ADGRL3: variants seen among roughly 807,000 people sequenced by gnomAD.
ADGRL3 encodes the protein calcium-independent alpha-latrotoxin receptor 3.
A neutral mutation model predicts 153.5 loss-of-function variants in ADGRL3; 62 were observed. The ratio of observed to expected loss-of-function variants is 0.40; its 90% CI spans 0.33 to 0.50. ADGRL3 has a LOEUF of 0.50. Among genes scored for constraint, ADGRL3 ranks in the 20% least tolerant of loss-of-function variants. The probability of loss-of-function intolerance (pLI) is 0.47; values close to 1 mark genes in which losing one functional copy is unlikely to be tolerated. For missense variants in ADGRL3, 1,641 were observed against 1,859.4 expected (o/e 0.88, Z 2.16); for synonymous variants, 710 against 672.5 (o/e 1.06, Z -0.86).
intron 1 of ADGRL3, among the ~76,000 whole-genome samples, chr4:61,203,960 T>A (rs562112058): frequency 3.9e-5 from 6 of 152,148 alleles, no homozygotes; most frequent in Admixed American, 2.0e-4. Flanking sequence ...TGTACATAGA[T>A]AAACACAGTT....
At chr4:61,857,017 C>CTTTCTTTCT (rs1561368540) in intron 9 of ADGRL3, among the ~76,000 whole-genome samples, 1 of 91,198 alleles carries the variant, frequency 1.1e-5, no homozygotes, top group Non-Finnish European at 2.5e-5. Flanking sequence ...TCTTTCTTTC[C>CTTTCTTTCT]TTCCTCCCTT....
chr4:62,003,234 C>A (rs969842788), intron 21 of ADGRL3, among the ~76,000 whole-genome samples: 1 of 152,034 alleles, frequency 6.6e-6, no homozygotes, highest in Non-Finnish European at 1.5e-5. Flanking sequence ...ATGATGTCAC[C>A]GGGTCATGTT....
intron 8 of ADGRL3, among the ~76,000 whole-genome samples, chr4:61,790,100 G>A (rs142276867): frequency 0.012 from 1,777 of 152,124 alleles, 46 homozygotes; most frequent in African/African-American, 0.038. Context: ...AGTTAACTCC[G>A]TTTAACTTTT....
chr4:61,888,005 A>G (rs1446797969), intron 9 of ADGRL3, among the ~76,000 whole-genome samples: 1 of 152,220 alleles, frequency 6.6e-6, no homozygotes, highest in African/African-American at 2.4e-5. Flanking sequence ...AAGGAAAAAA[A>G]TTAAACAAAT....
chr4:61,288,077 C>T (rs78549030), intron 1 of ADGRL3, among the ~76,000 whole-genome samples: 6,437 of 151,906 alleles, frequency 0.042, 241 homozygotes, highest in African/African-American at 0.093. Context: ...GTATCTAATA[C>T]AATTCTTATG....
chr4:61,836,023 C>T (rs547643162), intron 9 of ADGRL3, among the ~76,000 whole-genome samples: 2 of 152,166 alleles, frequency 1.3e-5, no homozygotes, highest in South Asian at 4.2e-4. Context: ...CTGACATGGT[C>T]GCAAAGTTAA....
chr4:61,489,216 C>T (rs1004067900), intron 2 of ADGRL3, among the ~76,000 whole-genome samples: 2 of 151,846 alleles, frequency 1.3e-5, no homozygotes, highest in African/African-American at 4.8e-5. Context: ...CTGCTTATGT[C>T]ATACAGCTCA....
Position 61,756,613 on chromosome 4 carries a change from C to A in ADGRL3, c.1399+23059C>A, listed in dbSNP as rs187494330. The stretch of plus-strand genomic sequence containing the variant: ...TTTCCTAATTGAATACCCTTTATTT[C>A]TTTCTCTTGCCTGATTGCCCTGGCC... On this transcript the variant is annotated intron_variant, in intron 8 of 26. Coordinates refer to ENST00000683033, the MANE Select transcript of ADGRL3 (RefSeq NM_001387552.1). 7.0e-3 allele frequency among the ~76,000 whole-genome samples: 1,062 copies of A among 152,234 alleles called. 10 individuals are homozygous for A. The highest frequency in any genetic ancestry group is 0.025 in the African/African-American group (1,021 of 41,540).
intron 11 of ADGRL3, among the ~76,000 whole-genome samples, chr4:61,904,129 A>C (rs2098682179): frequency 6.6e-6 from 1 of 151,520 alleles, no homozygotes; most frequent in Non-Finnish European, 1.5e-5. Flanking sequence ...TTTTGTTGTT[A>C]AACATTGAGT....
At chr4:61,618,917 A>T (rs775406178) in intron 5 of ADGRL3, among the ~76,000 whole-genome samples, 10 of 152,044 alleles carry the variant, frequency 6.6e-5, no homozygotes, top group Non-Finnish European at 4.4e-5. Context: ...CAGGGTTTCT[A>T]TGTTGCCCAG....
chr4:61,289,748 G>A (rs1459184355), intron 1 of ADGRL3, among the ~76,000 whole-genome samples: 1 of 152,048 alleles, frequency 6.6e-6, no homozygotes, highest in Non-Finnish European at 1.5e-5. Context: ...AAAAGCCAAA[G>A]TAGGGATTCT....
intron 21 of ADGRL3, among the ~76,000 whole-genome samples, chr4:62,015,184 G>A (rs921709278): frequency 6.6e-6 from 1 of 152,276 alleles, no homozygotes; most frequent in South Asian, 2.1e-4. Flanking sequence ...AGAACCAATT[G>A]TTGCTGGTTT....
intron 1 of ADGRL3, among the ~76,000 whole-genome samples, chr4:61,208,936 T>C (rs1210173681): frequency 6.6e-6 from 1 of 152,158 alleles, no homozygotes; most frequent in Non-Finnish European, 1.5e-5. Flanking sequence ...AGTGGTCGTA[T>C]GTCTAGTGAA....
In ADGRL3 at chr4:61,997,074, G is replaced by C. The variant is rs866356309; in HGVS notation, c.3303+717G>C. Among the ~76,000 whole-genome samples, 10 of 152,142 alleles carry C rather than the reference G, an allele frequency of 6.6e-5. No individual in the cohort carries two copies. The South Asian group carries it at 1.0e-3, about 16-fold the overall frequency. ...TTCTCTGAAATCTTTGGGACAAGAT[G>C]TATTTTGGAATCAGAAATTTTTCAG... On this transcript the variant is annotated intron_variant, in intron 20 of 26. Transcript: ENST00000683033.
At chr4:61,903,359 G>T (rs2098675498) in intron 11 of ADGRL3, among the ~76,000 whole-genome samples, 1 of 151,910 alleles carries the variant, frequency 6.6e-6, no homozygotes, top group African/African-American at 2.4e-5. Flanking sequence ...ACACTTTCCT[G>T]TCACAACAGC....
chr4:61,622,264 A>G (rs893953457), intron 5 of ADGRL3, among the ~76,000 whole-genome samples: 3 of 152,182 alleles, frequency 2.0e-5, no homozygotes, highest in Non-Finnish European at 4.4e-5. Context: ...CACCATATGC[A>G]GACTATTCTA....
chr4:61,890,336 C>G (rs1201778760), intron 9 of ADGRL3, among the ~76,000 whole-genome samples: 1 of 152,204 alleles, frequency 6.6e-6, no homozygotes, highest in Non-Finnish European at 1.5e-5. Flanking sequence ...TGCCTTACTA[C>G]TTCCCTATCT....
intron 1 of ADGRL3, among the ~76,000 whole-genome samples, chr4:61,377,451 G>A (rs2096617286): frequency 6.6e-6 from 1 of 151,642 alleles, no homozygotes; most frequent in Non-Finnish European, 1.5e-5. Flanking sequence ...CCTTTTTGTT[G>A]TACATTTTTA....
chr4:61,881,371 G>A (rs1456044214), intron 9 of ADGRL3, among the ~76,000 whole-genome samples: 2 of 152,082 alleles, frequency 1.3e-5, no homozygotes, highest in Non-Finnish European at 2.9e-5. Context: ...CAAACATGGA[G>A]GATAATTTTC....
Sources: allele counts gnomAD v4.1 joint callset (sites outside exome capture counted in the v4.1 genomes callset), GRCh38; gene constraint gnomAD v4.1.1; transcripts MANE v1.5; gene names NCBI Gene and HGNC (gene_info 2026-07-23, HGNC 2026-07-21).